The following WDR1 variants were observed in gnomAD, a reference collection of about 807,000 sequenced individuals.
WDR1 encodes WD repeat domain 1.
A neutral mutation model predicts 71.9 loss-of-function variants in WDR1; 21 were observed. The ratio of observed to expected loss-of-function variants is 0.29; its 90% CI spans 0.21 to 0.42. The LOEUF (loss-of-function observed/expected upper bound fraction) is 0.42, where lower values mean the gene tolerates loss of function less well. Among genes scored for constraint, WDR1 ranks in the 10% least tolerant of loss-of-function variants. The probability of loss-of-function intolerance (pLI) is 1.00; values close to 1 mark genes in which losing one functional copy is unlikely to be tolerated. For synonymous variants in WDR1, 424 were observed against 347.4 expected, an observed-to-expected ratio of 1.22 and a Z score of -2.45; for missense variants, 696 against 824.5, an observed-to-expected ratio of 0.84 and a Z score of 1.91.
At chr4:10,103,004 G>A (rs1019740247) in intron 3 of WDR1, among the ~76,000 whole-genome samples, 1 of 152,132 alleles carries the variant, frequency 6.6e-6, no homozygotes, top group Non-Finnish European at 1.5e-5. Flanking sequence ...TCTCACTCCT[G>A]TACCTCTTGT....
At chr4:10,099,170 GAGGCGGTGGTGGGGTA>G in intron 3 of WDR1, 31 bp from the exon 4 acceptor site, 1 of 802,002 alleles carries the variant, frequency 1.2e-6, no homozygotes, top group Admixed American at 2.3e-5. Flanking sequence ...GGGAGGGGGG[GAGGCGGTGGTGGGGTA>G]AAGGGCAGGG....
intron 2 of WDR1, among the ~76,000 whole-genome samples, chr4:10,110,496 TGA>T (rs1318517867): frequency 6.6e-6 from 1 of 152,232 alleles, no homozygotes; most frequent in African/African-American, 2.4e-5. Flanking sequence ...ACAGTGGGGC[TGA>T]GAGGACCCAG....
At chr4:10,085,985 G>A (rs1711524429) in intron 8 of WDR1, among the ~76,000 whole-genome samples, 1 of 152,312 alleles carries the variant, frequency 6.6e-6, no homozygotes, top group Non-Finnish European at 1.5e-5. Context: ...CAGGCCGGGT[G>A]CACTGGCCCC....
rs1712866077 is a variant in WDR1, at chr4:10,103,996, G to A, written c.139-10C>T. On this transcript the variant is annotated splice_polypyrimidine_tract_variant and intron_variant, in intron 2 of 14. Coordinates refer to ENST00000499869, the MANE Select transcript of WDR1 (RefSeq NM_017491.5). ...CAGCAAGGGCTGGGTTCTGCAGGAG[G>A]AGACCCCGGAATGAACAGAAGGAAT... 2.5e-6 allele frequency: 4 copies of A among 1,587,254 alleles called. No individual in the cohort carries two copies. Among genetic ancestry groups the A allele is most frequent in the South Asian group, 2.3e-5 (2 of 86,660 alleles).
rs576570003 is a variant in WDR1 at position 10,116,621 on chromosome 4, C to T, written c.16+30G>A. The T allele has an allele frequency of 1.8e-3, 2,251 of 1,219,000 alleles. 33 individuals are homozygous for T. The African/African-American group carries it at 0.03, about 16-fold the overall frequency. The allele number at this position is 1,219,000 out of a possible 1,614,324, so 75.5% of individuals were successfully genotyped here. A position where few individuals can be genotyped will look rare whatever the true frequency, so the allele number is the denominator to read the frequency against. ...ACCGGGGCCGGGGCAGCGCGGCGGC[C>T]GCTCGGGGGCCCCGCGCCGCGGCAC... On this transcript the variant is annotated intron_variant, in intron 1 of 14. Coordinates refer to ENST00000499869, the MANE Select transcript of WDR1 (RefSeq NM_017491.5).
chr4:10,102,003 C>G (rs1466135750), intron 3 of WDR1, among the ~76,000 whole-genome samples: 2 of 152,202 alleles, frequency 1.3e-5, no homozygotes, highest in African/African-American at 4.8e-5. Context: ...GATCTAAACA[C>G]AAAAACCATT....
At chr4:10,077,201 G>C in intron 14 of WDR1, 103 bp downstream of exon 14, 1 of 1,445,706 alleles carries the variant, frequency 6.9e-7, no homozygotes, top group Non-Finnish European at 9.4e-7. Context: ...AAGCACAGAG[G>C]CTACTTAGCC....
At chr4:10,100,790 G>A (rs1012496405) in intron 3 of WDR1, among the ~76,000 whole-genome samples, 4 of 152,250 alleles carry the variant, frequency 2.6e-5, no homozygotes, top group African/African-American at 9.6e-5. Context: ...GGTCAGAAGA[G>A]GAAGTCACCA....
In WDR1 at chr4:10,102,643, G is replaced by T. The variant is rs78245245; in HGVS notation, c.229+1253C>A. On this transcript the variant is annotated intron_variant, in intron 3 of 14. Transcript: ENST00000499869. ...GTGTTAGTCGTAAATTACCCAGCCTGTGAGCACAAAGCAGAGTAAGACAGA... is the reference window on the plus strand; with the variant it reads ...GTGTTAGTCGTAAATTACCCAGCCTTTGAGCACAAAGCAGAGTAAGACAGA... 4.0e-3 allele frequency among the ~76,000 whole-genome samples: 616 copies of T among 152,318 alleles called. 6 individuals carry two copies. Among genetic ancestry groups the T allele is most frequent in the African/African-American group, 0.014 (579 of 41,560 alleles).
At chr4:10,102,877 C>CT (rs1161031339) in intron 3 of WDR1, among the ~76,000 whole-genome samples, 7 of 152,286 alleles carry the variant, frequency 4.6e-5, no homozygotes, top group East Asian at 1.9e-4. Flanking sequence ...AGCTTACTCA[C>CT]TTGGCCTCCC....
rs888404476 is a variant in WDR1 at position 10,075,811 on chromosome 4, T to C, written c.1715-327A>G. ...CAGGAGTGAAATAACAATGTCTTCT[T>C]ATGTATAAAAGCGATGACATGCAGA... On this transcript the variant is annotated intron_variant, in intron 14 of 14. Coordinates refer to ENST00000499869, the MANE Select transcript of WDR1 (RefSeq NM_017491.5). 3.0e-5 allele frequency: 13 copies of C among 426,706 alleles called. No individual in the cohort carries two copies. In the Admixed American group the frequency reaches 4.0e-4, roughly 13 times the overall value. The allele number at this position is 426,706 out of a possible 1,614,324, so 26.4% of individuals were successfully genotyped here.
At chr4:10,093,547 C>T (rs924307427) in intron 5 of WDR1, among the ~76,000 whole-genome samples, 5 of 152,268 alleles carry the variant, frequency 3.3e-5, no homozygotes, top group African/African-American at 7.2e-5. Context: ...CTGCCTCTCC[C>T]GTCACCCGGG....
intron 2 of WDR1, among the ~76,000 whole-genome samples, chr4:10,109,302 C>G (rs1253550021): frequency 6.6e-6 from 1 of 152,250 alleles, no homozygotes; most frequent in Non-Finnish European, 1.5e-5. Context: ...CACGGTGAGT[C>G]AAGGGAGGTA....
intron 8 of WDR1, among the ~76,000 whole-genome samples, chr4:10,086,477 C>T (rs753373762): frequency 6.6e-6 from 1 of 152,196 alleles, no homozygotes; most frequent in South Asian, 2.1e-4. Flanking sequence ...ACAACGTTAA[C>T]GAGGCCCCTT....
chr4:10,098,370 T>C (rs1035163296), intron 4 of WDR1, among the ~76,000 whole-genome samples: 1 of 152,170 alleles, frequency 6.6e-6, no homozygotes, highest in Non-Finnish European at 1.5e-5. Context: ...TACTAGAACA[T>C]GTACGAGAAA....
intron 2 of WDR1, 134 bp from the exon 3 acceptor site, chr4:10,104,120 G>A (rs1214300408): frequency 5.7e-6 from 5 of 873,694 alleles, no homozygotes; most frequent in South Asian, 1.5e-5. Flanking sequence ...GAAAACCGCA[G>A]AAGCATACCA....
At chr4:10,099,294 T>C (rs1455308705) in intron 3 of WDR1, among the ~76,000 whole-genome samples, 155 bp from the exon 4 acceptor site, 1 of 152,146 alleles carries the variant, frequency 6.6e-6, no homozygotes, top group Non-Finnish European at 1.5e-5. Flanking sequence ...AAAGGCCTAG[T>C]GAAGAGAACG....
At chr4:10,084,783 ACCCAGACCTGGG>A (rs941255565) in intron 8 of WDR1, among the ~76,000 whole-genome samples, 5 of 152,094 alleles carry the variant, frequency 3.3e-5, no homozygotes, top group East Asian at 1.9e-4. Flanking sequence ...AAGGTACCTA[ACCCAGACCTGGG>A]CCCAGACCTG....
At chr4:10,096,430 G>A (rs1712352700) in intron 5 of WDR1, 1 of 152,250 alleles carries the variant, frequency 6.6e-6, no homozygotes, top group South Asian at 2.1e-4. Flanking sequence ...CCCATTAGGT[G>A]GTAGCCACAA....
Sources: gnomAD v4.1 joint callset for allele counts (sites outside exome capture counted in the v4.1 genomes callset) on GRCh38, gnomAD v4.1.1 for gene constraint, MANE v1.5 for transcripts, NCBI Gene and HGNC (gene_info 2026-07-23, HGNC 2026-07-21) for gene names.